Variants in PREX2 observed in about 807,000 individuals in gnomAD.
The protein encoded by PREX2 is phosphatidylinositol 3,4,5-trisphosphate-dependent Rac exchanger 2 protein.
Under a neutral mutation model 203.2 loss-of-function variants are expected in PREX2, and 107 were observed. The observed-to-expected ratio is 0.53, with a 90% confidence interval of 0.45 to 0.62. The LOEUF is 0.62. PREX2 is among the 20% of genes least tolerant of loss of function. The pLI is 0.00. For synonymous variants in PREX2, 672 were observed against 663.6 expected, an observed-to-expected ratio of 1.01 and a Z score of -0.19; for missense variants, 1,777 against 1,955.9, an observed-to-expected ratio of 0.91 and a Z score of 1.72.
intron 34 of PREX2, among the ~76,000 whole-genome samples, chr8:68,154,998 A>AGAT (rs1811511982): frequency 1.3e-5 from 2 of 152,196 alleles, no homozygotes. Flanking sequence ...CTGGAGAAAT[A>AGAT]GATATTATCT....
chr8:67,976,885 C>T (rs1806127973), intron 1 of PREX2, among the ~76,000 whole-genome samples: 1 of 152,142 alleles, frequency 6.6e-6, no homozygotes, highest in Admixed American at 6.6e-5. Context: ...ATGGAGCCAT[C>T]TTAAAAATGG....
chr8:68,050,204 G>A (rs1159463762), intron 8 of PREX2, among the ~76,000 whole-genome samples: 1 of 152,078 alleles, frequency 6.6e-6, no homozygotes, highest in Non-Finnish European at 1.5e-5. Flanking sequence ...TACTAGTGCA[G>A]CAATTAAGCT....
chr8:68,186,187 T>G (rs959076990), intron 35 of PREX2, among the ~76,000 whole-genome samples: 1 of 152,228 alleles, frequency 6.6e-6, no homozygotes, highest in African/African-American at 2.4e-5. Flanking sequence ...CAAGTATAAA[T>G]TCTTATTTTA....
In PREX2 at chr8:68,180,383, T is replaced by C. The variant is rs192880931; in HGVS notation, c.4347-11339T>C. ...TTCTTTACAGATGAATATTGTCTTATTTTTACCTTTTTATCCCTAGCACTT... is the reference window on the plus strand; with the variant it reads ...TTCTTTACAGATGAATATTGTCTTACTTTTACCTTTTTATCCCTAGCACTT... On this transcript the variant is annotated intron_variant, in intron 35 of 39. Transcript: ENST00000288368. Among the ~76,000 whole-genome samples the C allele has an allele frequency of 2.7e-3, 415 of 152,236 alleles. 1 individual carries two copies. Among genetic ancestry groups the C allele is most frequent in the Non-Finnish European group, 3.7e-3 (254 of 68,002 alleles).
chr8:68,195,496 G>A (rs1005459691), intron 37 of PREX2, among the ~76,000 whole-genome samples: 5 of 152,140 alleles, frequency 3.3e-5, no homozygotes, highest in Non-Finnish European at 5.9e-5. Context: ...TAATTTTTCA[G>A]TGAAGGCTAT....
intron 1 of PREX2, among the ~76,000 whole-genome samples, chr8:67,963,903 G>A (rs1805699967): frequency 6.6e-6 from 1 of 152,130 alleles, no homozygotes; most frequent in African/African-American, 2.4e-5. Context: ...CCCCAGTGGT[G>A]TTCCAGTGGG....
chr8:68,041,888 T>A (rs1808207712), intron 7 of PREX2, among the ~76,000 whole-genome samples: 2 of 152,076 alleles, frequency 1.3e-5, no homozygotes, highest in African/African-American at 4.8e-5. Context: ...TATTATATGG[T>A]CTTATGACTG....
chr8:68,228,676 G>T (rs12682477), intron 39 of PREX2, among the ~76,000 whole-genome samples: 16,017 of 151,910 alleles, frequency 0.11, 1,699 homozygotes, highest in East Asian at 0.46. Context: ...TGAGACAGGA[G>T]AATCTCCTGA....
chr8:68,191,397 A>G (rs1405229453), intron 35 of PREX2, among the ~76,000 whole-genome samples: 1 of 152,214 alleles, frequency 6.6e-6, no homozygotes, highest in Non-Finnish European at 1.5e-5. Context: ...GCACTGTTCT[A>G]CATATTTTAT....
chr8:68,050,217 T>C (rs1808485782), intron 8 of PREX2, among the ~76,000 whole-genome samples: 1 of 152,138 alleles, frequency 6.6e-6, no homozygotes. Flanking sequence ...ATTAAGCTGT[T>C]ATTTGAGACA....
chr8:68,124,515 G>A (rs1016221770), intron 30 of PREX2, among the ~76,000 whole-genome samples: 1 of 151,844 alleles, frequency 6.6e-6, no homozygotes, highest in Admixed American at 6.6e-5. Context: ...GGAGGGAGAG[G>A]ATCAGAAAAA....
rs554090253 is a variant in PREX2 at position 68,109,425 on chromosome 8, G to A, written c.2948G>A (p.Ser983Asn). 19 of 1,613,450 alleles carry A rather than the reference G, an allele frequency of 1.2e-5. No homozygotes were observed. In the East Asian group the frequency reaches 4.2e-4, roughly 36 times the overall value. Residue 983 changes from serine (S) to asparagine (N), a missense_variant, in exon 25 of 40, where the codon AGC (serine) becomes AAC (asparagine). Physicochemically the swap from Ser to Asn is conservative, Grantham distance 46. Transcript: ENST00000288368. ...GACTTTAATTCCTCAGGGAAACTGA[G>A]CCCTATGGTGTACATTCAGCACACC... ...ENKSSEQGKLSPMVYIQHTIT... is the reference protein window; with the variant it reads ...ENKSSEQGKLNPMVYIQHTIT...
chr8:68,150,886 C>T (rs1301638215), intron 34 of PREX2, among the ~76,000 whole-genome samples: 2 of 152,112 alleles, frequency 1.3e-5, no homozygotes, highest in African/African-American at 4.8e-5. Flanking sequence ...ATGCCTCCTC[C>T]TTCCTCTTTT....
intron 26 of PREX2, among the ~76,000 whole-genome samples, chr8:68,116,992 A>G (rs1234210379): frequency 2.0e-5 from 3 of 152,226 alleles, no homozygotes; most frequent in Admixed American, 6.5e-5. Flanking sequence ...CAGCCACATA[A>G]GCTGTGTATA....
chr8:68,115,673 CTATTG>C, intron 25 of PREX2, 75 bp from the exon 26 acceptor site: 2 of 893,316 alleles, frequency 2.2e-6, no homozygotes, highest in Non-Finnish European at 3.3e-6. Flanking sequence ...ATTTGTAAGC[CTATTG>C]TATTCAGCAA....
rs1813198562 is a variant in PREX2, at chr8:68,233,094, CT to C, written c.*1720del. ...TTATTTGGCACAGAAGCTCTAGAGA[CT>C]TTTGTGAGAAGTCCATATACAATGA... On this transcript the variant is annotated 3_prime_UTR_variant, in exon 40 of 40. Coordinates refer to ENST00000288368, the MANE Select transcript of PREX2 (RefSeq NM_024870.4). 1 of 152,094 alleles carries C rather than the reference CT, an allele frequency of 6.6e-6. No homozygotes were observed. The highest frequency in any genetic ancestry group is 2.4e-5 in the African/African-American group (1 of 41,398). The allele number at this position is 152,094 out of a possible 1,614,324, so 9.4% of individuals were successfully genotyped here. A position where few individuals can be genotyped will look rare whatever the true frequency, so the allele number is the denominator to read the frequency against.
intron 35 of PREX2, among the ~76,000 whole-genome samples, chr8:68,189,401 C>G (rs754893012): frequency 6.6e-6 from 1 of 152,126 alleles, no homozygotes; most frequent in African/African-American, 2.4e-5. Flanking sequence ...TCACTCTGCC[C>G]CAGCTCCTGC....
chr8:68,001,889 G>GACAC (rs1806947614), intron 1 of PREX2, among the ~76,000 whole-genome samples: 1 of 152,234 alleles, frequency 6.6e-6, no homozygotes, highest in African/African-American at 2.4e-5. Context: ...GGAGCTAAAT[G>GACAC]ATGAGAACAC....
intron 33 of PREX2, among the ~76,000 whole-genome samples, chr8:68,139,322 C>T (rs558818539): frequency 3.3e-5 from 5 of 151,962 alleles, no homozygotes; most frequent in African/African-American, 4.8e-5. Context: ...ATGGCGATAT[C>T]GGAGGAGCAG....
Sources: gnomAD v4.1 joint callset for allele counts (sites outside exome capture counted in the v4.1 genomes callset) on GRCh38, gnomAD v4.1.1 for gene constraint, MANE v1.5 for transcripts, NCBI Gene and HGNC (gene_info 2026-07-23, HGNC 2026-07-21) for gene names.